The following PCDH15 variants were observed in gnomAD, a reference collection of about 807,000 sequenced individuals.
The protein encoded by PCDH15 is protocadherin related 15.
Under a neutral mutation model 178.5 loss-of-function variants are expected in PCDH15, and 129 were observed. That is an observed-to-expected ratio of 0.72 (90% CI 0.63 to 0.84). PCDH15 has a LOEUF of 0.84. Among genes scored for constraint, PCDH15 ranks in the 40% least tolerant of loss-of-function variants. The pLI is 0.00. For synonymous variants in PCDH15, 800 were observed against 732.0 expected, an observed-to-expected ratio of 1.09 and a Z score of -1.50; for missense variants, 2,230 against 2,099.9, an observed-to-expected ratio of 1.06 and a Z score of -1.21.
At chr10:54,731,948 T>G (rs1943461254) in intron 1 of PCDH15, among the ~76,000 whole-genome samples, 1 of 151,196 alleles carries the variant, frequency 6.6e-6, no homozygotes, top group Non-Finnish European at 1.5e-5. Context: ...TAAGAATAAT[T>G]TGAATGTTTC....
At chr10:55,011,493 T>A (rs1487177684) in intron 2 of PCDH15, among the ~76,000 whole-genome samples, 1 of 152,132 alleles carries the variant, frequency 6.6e-6, no homozygotes, top group African/African-American at 2.4e-5. Context: ...TGTGGTTGTG[T>A]TACTCTCAAT....
At chr10:54,134,709 C>T (rs1043234374) in intron 14 of PCDH15, among the ~76,000 whole-genome samples, 3 of 149,462 alleles carry the variant, frequency 2.0e-5, no homozygotes, top group Admixed American at 6.7e-5. Context: ...GCCAAGATTG[C>T]GCCACTGCAC....
chr10:55,273,593 T>C (rs930666660), intron 1 of PCDH15, among the ~76,000 whole-genome samples: 2 of 152,036 alleles, frequency 1.3e-5, no homozygotes, highest in African/African-American at 4.8e-5. Context: ...TATAGATATG[T>C]ACCTAAGTAA....
intron 15 of PCDH15, among the ~76,000 whole-genome samples, chr10:54,121,108 G>A (rs2095211979): frequency 6.6e-6 from 1 of 150,550 alleles, no homozygotes; most frequent in South Asian, 2.1e-4. Flanking sequence ...GGACCCCAGT[G>A]GAATGAAAAT....
At chr10:55,365,478 C>A (rs1452400224) in intron 2 of PCDH15, among the ~76,000 whole-genome samples, 1 of 152,060 alleles carries the variant, frequency 6.6e-6, no homozygotes, top group East Asian at 1.9e-4. Context: ...CCACATTAAT[C>A]TTTCAGATAA....
intron 28 of PCDH15, among the ~76,000 whole-genome samples, chr10:53,846,695 TTCAA>T (rs2078000997): frequency 6.6e-6 from 1 of 152,036 alleles, no homozygotes; most frequent in South Asian, 2.1e-4. Flanking sequence ...TATATACATC[TTCAA>T]TTAGTTTCAA....
chr10:55,351,408 A>G (rs1292378017), intron 2 of PCDH15, among the ~76,000 whole-genome samples: 3 of 151,926 alleles, frequency 2.0e-5, no homozygotes, highest in Non-Finnish European at 4.4e-5. Context: ...ATTCCTACTA[A>G]CCTTATAAGT....
chr10:55,204,208 C>A (rs1057491791), intron 1 of PCDH15, among the ~76,000 whole-genome samples: 5 of 148,178 alleles, frequency 3.4e-5, no homozygotes, highest in African/African-American at 9.9e-5. Context: ...TTAATATACT[C>A]AAGGGTTTTA....
chr10:54,127,453 T>TA (rs1326297756), intron 15 of PCDH15, among the ~76,000 whole-genome samples: 1 of 152,200 alleles, frequency 6.6e-6, no homozygotes, highest in South Asian at 2.1e-4. Flanking sequence ...GTAGAAGTGT[T>TA]AAAGGAACTA....
intron 2 of PCDH15, among the ~76,000 whole-genome samples, chr10:55,481,144 C>T (rs926102871): frequency 4.0e-5 from 6 of 151,832 alleles, no homozygotes; most frequent in South Asian, 2.1e-4. Context: ...ATAATATTCT[C>T]TGATGGTTGT....
chr10:54,598,038 T>C (rs531558792), intron 2 of PCDH15, among the ~76,000 whole-genome samples: 1 of 152,226 alleles, frequency 6.6e-6, no homozygotes, highest in Admixed American at 6.5e-5. Context: ...AATTCACTTC[T>C]GAATTCTACC....
intron 1 of PCDH15, among the ~76,000 whole-genome samples, chr10:54,779,916 A>T (rs541413380): frequency 6.6e-6 from 1 of 152,208 alleles, no homozygotes; most frequent in East Asian, 1.9e-4. Context: ...TTATGATTAA[A>T]TTGGCCACTA....
Position 54,563,957 on chromosome 10 carries a change from A to T in PCDH15, c.92-36080T>A, listed in dbSNP as rs575123435. On this transcript the variant is annotated intron_variant, in intron 2 of 37. Transcript: ENST00000644397. ...GAGAAAAATAATAGTGCATAAAAGC[A>T]AAGCAAAACAAACAAAAAACCTTAG... 8.1e-4 allele frequency among the ~76,000 whole-genome samples: 123 copies of T among 152,322 alleles called. 2 individuals are homozygous for T. The highest frequency in any genetic ancestry group is 2.9e-3 in the African/African-American group (119 of 41,584).
At chr10:54,886,086 C>T (rs1284730246) in intron 3 of PCDH15, among the ~76,000 whole-genome samples, 1 of 145,140 alleles carries the variant, frequency 6.9e-6, no homozygotes, top group African/African-American at 2.9e-5. Flanking sequence ...ATAAATAATT[C>T]AATGACTTAC....
chr10:54,132,224 TCAAAGA>T (rs2042497719), intron 15 of PCDH15, among the ~76,000 whole-genome samples: 2 of 152,162 alleles, frequency 1.3e-5, no homozygotes, highest in Admixed American at 1.3e-4. Flanking sequence ...GCATATTCAG[TCAAAGA>T]TAGAGCTTTT....
chr10:55,278,518 T>G (rs538099367), intron 1 of PCDH15, among the ~76,000 whole-genome samples: 91 of 152,198 alleles, frequency 6.0e-4, no homozygotes, highest in Admixed American at 1.2e-3. Context: ...AGCCACCACA[T>G]CTGGCCATAT....
intron 8 of PCDH15, among the ~76,000 whole-genome samples, chr10:54,296,219 GA>G (rs1173960724): frequency 6.6e-6 from 1 of 150,572 alleles, no homozygotes; most frequent in Non-Finnish European, 1.5e-5. Flanking sequence ...GGCATTCTAG[GA>G]AAGGGCTCTC....
rs1434929109 is a variant in PCDH15 at position 54,384,095 on chromosome 10, A to T, written c.158-5153T>A. On this transcript the variant is annotated intron_variant, in intron 3 of 37. Coordinates refer to ENST00000644397, the MANE Select transcript of PCDH15 (RefSeq NM_001384140.1). Reference sequence around the variant, plus strand: ...GTGATCCATCCGCCTCGGCCTCCCAACGTGCTGGGATTACAGGCGTGAGCT... The same window carrying T: ...GTGATCCATCCGCCTCGGCCTCCCATCGTGCTGGGATTACAGGCGTGAGCT... 2.0e-5 allele frequency among the ~76,000 whole-genome samples: 3 copies of T among 151,236 alleles called. No individual in the cohort carries two copies. In the South Asian group the frequency reaches 6.2e-4, roughly 31 times the overall value.
intron 2 of PCDH15, among the ~76,000 whole-genome samples, chr10:54,628,977 TAC>T (rs144598879): frequency 6.6e-6 from 1 of 151,664 alleles, no homozygotes; most frequent in African/African-American, 2.4e-5. Context: ...CAGGAAAGAA[TAC>T]ACACACACAC....
Sources: allele counts gnomAD v4.1 joint callset (sites outside exome capture counted in the v4.1 genomes callset), GRCh38; gene constraint gnomAD v4.1.1; transcripts MANE v1.5; gene names NCBI Gene and HGNC (gene_info 2026-07-23, HGNC 2026-07-21).